Variants in CCDC169 observed in about 807,000 individuals in gnomAD.
The protein encoded by CCDC169 is coiled-coil domain-containing protein 169.
In CCDC169, 30 loss-of-function variants were observed where a neutral mutation model predicts 36.0. That is an observed-to-expected ratio of 0.83 (90% CI 0.62 to 1.13). The LOEUF is 1.13. CCDC169 is among the 50% of genes most tolerant of loss of function. The probability of loss-of-function intolerance (pLI) is 0.00; values close to 1 mark genes in which losing one functional copy is unlikely to be tolerated. For synonymous variants in CCDC169, 85 were observed against 81.5 expected (o/e 1.04, Z -0.23); for missense variants, 245 against 245.9 (o/e 1.00, Z 0.03).
chr13:36,254,293 T>C (rs1873559598), intron 4 of CCDC169, 150 bp from the exon 5 acceptor site: 1 of 527,138 alleles, frequency 1.9e-6, no homozygotes, highest in African/African-American at 2.0e-5. Flanking sequence ...TTTTTTTTTT[T>C]TAGACAGAGT....
chr13:36,227,497 C>T (rs1276731827), downstream of CCDC169: 12 of 1,104,260 alleles, frequency 1.1e-5, no homozygotes, highest in Non-Finnish European at 1.2e-5. Context: ...CACATATACA[C>T]AAAAATAAAT....
At chr13:36,258,635 G>A (rs1393109644) in intron 4 of CCDC169, among the ~76,000 whole-genome samples, 2 of 152,124 alleles carry the variant, frequency 1.3e-5, no homozygotes, top group Admixed American at 6.5e-5. Context: ...GTCTAAAAAG[G>A]GAAGGAACCC....
intron 4 of CCDC169, among the ~76,000 whole-genome samples, chr13:36,261,570 A>C (rs1874613408): frequency 6.6e-6 from 1 of 152,206 alleles, no homozygotes; most frequent in Non-Finnish European, 1.5e-5. Flanking sequence ...AGGCCAAAAA[A>C]ACAATCTTAC....
chr13:36,263,801 A>G (rs1376879178), intron 4 of CCDC169, among the ~76,000 whole-genome samples: 1 of 152,180 alleles, frequency 6.6e-6, no homozygotes. Flanking sequence ...AATAAAAGGT[A>G]AACATATGCA....
At chr13:36,272,103 A>C (rs1239536454) in intron 4 of CCDC169, among the ~76,000 whole-genome samples, 1 of 145,756 alleles carries the variant, frequency 6.9e-6, no homozygotes, top group Non-Finnish European at 1.5e-5. Flanking sequence ...AAAAAACTAA[A>C]AAAATAAATA....
chr13:36,254,248 T>G, intron 4 of CCDC169, 105 bp from the exon 5 acceptor site: 1 of 728,832 alleles, frequency 1.4e-6, no homozygotes, highest in South Asian at 2.5e-5. Context: ...CCTAATATTT[T>G]GTGATTTCAT....
intron 4 of CCDC169, among the ~76,000 whole-genome samples, chr13:36,273,635 A>T (rs1876390942): frequency 6.6e-6 from 1 of 152,238 alleles, no homozygotes; most frequent in South Asian, 2.1e-4. Context: ...ATAATTTTAT[A>T]CTCAAAAACT....
chr13:36,237,999 C>T (rs1871290523), intron 7 of CCDC169, among the ~76,000 whole-genome samples: 1 of 152,132 alleles, frequency 6.6e-6, no homozygotes, highest in Non-Finnish European at 1.5e-5. Context: ...ACAAAATTGC[C>T]TTATGACACA....
At chr13:36,230,054 T>C (rs1870247221), downstream of CCDC169, among the ~76,000 whole-genome samples, 1 of 152,190 alleles carries the variant, frequency 6.6e-6, no homozygotes, top group South Asian at 2.1e-4. Flanking sequence ...TTAAAGTTAC[T>C]TAAAATATTT....
intron 2 of CCDC169, among the ~76,000 whole-genome samples, chr13:36,287,777 C>T (rs1280953872): frequency 6.6e-6 from 1 of 152,062 alleles, no homozygotes; most frequent in African/African-American, 2.4e-5. Context: ...AGTGTGTATA[C>T]AAAGGTGTCA....
At chr13:36,264,977 T>C (rs1232512345) in intron 4 of CCDC169, among the ~76,000 whole-genome samples, 1 of 152,210 alleles carries the variant, frequency 6.6e-6, no homozygotes, top group African/African-American at 2.4e-5. Context: ...TTAGATCAAG[T>C]TGATTGGTAG....
At chr13:36,290,984 TAAA>T (rs35360922) in intron 2 of CCDC169, among the ~76,000 whole-genome samples, 2 of 141,094 alleles carry the variant, frequency 1.4e-5, no homozygotes, top group African/African-American at 5.3e-5. Context: ...GAATATAAAC[TAAA>T]AAAAAAAAAA....
Position 36,230,993 on chromosome 13 carries a change from TA to T in CCDC169, c.*199del. On this transcript the variant is annotated 3_prime_UTR_variant, in exon 8 of 8. Coordinates refer to ENST00000239859, the MANE Select transcript of CCDC169 (RefSeq NM_001144981.3). The stretch of plus-strand genomic sequence containing the variant: ...ATATTTTAAAACTCTCAAGCACTTC[TA>T]TTACATAGTTTAGGGTCACTGGAGA... The T allele has an allele frequency of 7.4e-7, 1 of 1,346,362 alleles. No homozygotes were observed. The highest frequency in any genetic ancestry group is 2.9e-5 in the East Asian group (1 of 34,160). The allele number at this position is 1,346,362 out of a possible 1,614,324, so 83.4% of individuals were successfully genotyped here.
chr13:36,270,733 A>C (rs1875942296), intron 4 of CCDC169, among the ~76,000 whole-genome samples: 2 of 152,202 alleles, frequency 1.3e-5, no homozygotes, highest in Admixed American at 1.3e-4. Context: ...AGAAGAATAA[A>C]ACTGGATCCC....
chr13:36,231,332 A>G, intron 7 of CCDC169, 40 bp from the exon 8 acceptor site: 1 of 1,539,408 alleles, frequency 6.5e-7, no homozygotes. Context: ...TTCAGTCACC[A>G]TTATGTACAA....
chr13:36,231,437 G>A (rs909257005), intron 7 of CCDC169, 145 bp from the exon 8 acceptor site: 1 of 751,190 alleles, frequency 1.3e-6, no homozygotes, highest in Non-Finnish European at 2.1e-6. Flanking sequence ...AATAGTTTCT[G>A]CTTACAGTGC....
Position 36,231,269 on chromosome 13 carries a change from T to C in CCDC169, c.569A>G (p.Gln190Arg). The change falls in exon 8 of 8, where the codon CAG becomes CGG. Residue 190 changes from glutamine (Q) to arginine (R), a missense_variant. By Grantham distance (43) the Gln-to-Arg change is conservative. Coordinates refer to ENST00000239859, the MANE Select transcript of CCDC169 (RefSeq NM_001144981.3). ...TCCTCTCTTGGCACTCACTGTCTTC[T>C]GCTTAGCTGGATTATATCTTCCACT... The part of the protein sequence containing the change: ...VKTGRYNPAK[Q>R]KTVSAKRGPV... 2 of 1,551,438 alleles carry C rather than the reference T, an allele frequency of 1.3e-6. No homozygotes were observed. Among genetic ancestry groups the C allele is most frequent in the Non-Finnish European group, 1.7e-6 (2 of 1,146,834 alleles).
chr13:36,258,059 G>C (rs1874138181), intron 4 of CCDC169, among the ~76,000 whole-genome samples: 1 of 149,068 alleles, frequency 6.7e-6, no homozygotes, highest in African/African-American at 2.4e-5. Flanking sequence ...TGATTTTTTT[G>C]CCACTTGAAA....
intron 2 of CCDC169, among the ~76,000 whole-genome samples, chr13:36,291,196 A>T (rs1165035741): frequency 6.6e-6 from 1 of 152,222 alleles, no homozygotes; most frequent in Non-Finnish European, 1.5e-5. Flanking sequence ...CTGACAAGAC[A>T]GACTCTGTAG....
Sources: gnomAD v4.1 joint callset for allele counts (sites outside exome capture counted in the v4.1 genomes callset) on GRCh38, gnomAD v4.1.1 for gene constraint, MANE v1.5 for transcripts, NCBI Gene and HGNC (gene_info 2026-07-23, HGNC 2026-07-21) for gene names.